Variants in CDH4 observed in about 807,000 individuals in gnomAD.
CDH4 encodes cadherin-4.
CDH4 carries 33 observed loss-of-function variants against 86.0 expected under a neutral mutation model. The ratio of observed to expected loss-of-function variants is 0.38; its 90% CI spans 0.29 to 0.51. The LOEUF (loss-of-function observed/expected upper bound fraction) is 0.51. CDH4 is among the 20% of genes least tolerant of loss of function. The pLI, the probability that CDH4 is intolerant of heterozygous loss-of-function variation, is 0.86. For missense variants in CDH4, 1,114 were observed against 1,307.4 expected (o/e 0.85, Z 2.28); for synonymous variants, 555 against 549.4 (o/e 1.01, Z -0.14).
At position 61,283,523 on chromosome 20, in the gene CDH4, ATGTAGGTGCATTTACACG is replaced by A. The variant is rs1415373551; in HGVS notation, c.169+28587_169+28604del. On this transcript the variant is annotated intron_variant, in intron 2 of 15. Transcript: ENST00000614565. ...TTGCACGCGTGTGCTGTGGTGTGTG[ATGTAGGTGCATTTACACG>A]CGTGTGCTGTGGTGTGTGATGTAGG... Among the ~76,000 whole-genome samples the A allele has an allele frequency of 7.8e-5, 7 of 89,782 alleles. 2 individuals carry two copies. Among genetic ancestry groups the A allele is most frequent in the Non-Finnish European group, 1.1e-4 (5 of 44,882 alleles). The allele number at this position is 89,782 out of a possible 152,430, so 58.9% of individuals were successfully genotyped here.
At chr20:61,531,995 C>A (rs540675698) in intron 2 of CDH4, among the ~76,000 whole-genome samples, 6 of 152,378 alleles carry the variant, frequency 3.9e-5, no homozygotes, top group South Asian at 4.1e-4. Flanking sequence ...GTGGAGGATC[C>A]TCAGCTGTGG....
At chr20:61,889,353 G>GTGGATGA (rs1377300319) in intron 7 of CDH4, among the ~76,000 whole-genome samples, 6 of 145,766 alleles carry the variant, frequency 4.1e-5, no homozygotes, top group South Asian at 2.2e-4. Flanking sequence ...TGAGTGGATG[G>GTGGATGA]TGGATGATGG....
chr20:61,904,525 C>T (rs2054767379), intron 8 of CDH4, among the ~76,000 whole-genome samples: 1 of 152,208 alleles, frequency 6.6e-6, no homozygotes, highest in African/African-American at 2.4e-5. Flanking sequence ...GGTCTCTCGG[C>T]ATCTCGGCAG....
At chr20:61,508,319 C>T (rs2085756207) in intron 2 of CDH4, among the ~76,000 whole-genome samples, 1 of 152,228 alleles carries the variant, frequency 6.6e-6, no homozygotes, top group Admixed American at 6.5e-5. Flanking sequence ...GGAGAGGTCC[C>T]CACCGGGTGA....
chr20:61,622,237 A>G (rs987562562), intron 2 of CDH4, among the ~76,000 whole-genome samples: 4 of 152,152 alleles, frequency 2.6e-5, no homozygotes, highest in Non-Finnish European at 5.9e-5. Flanking sequence ...CTCCCCACCC[A>G]TGTGTTTATG....
At chr20:61,794,396 C>T (rs937299764) in intron 4 of CDH4, among the ~76,000 whole-genome samples, 2 of 152,200 alleles carry the variant, frequency 1.3e-5, no homozygotes, top group African/African-American at 2.4e-5. Context: ...GTCGTTCCCC[C>T]ACTTCCGCCA....
intron 2 of CDH4, among the ~76,000 whole-genome samples, chr20:61,338,763 T>G (rs2084633384): frequency 6.6e-6 from 1 of 152,200 alleles, no homozygotes; most frequent in Admixed American, 6.5e-5. Context: ...AGTGTTTATT[T>G]TTAAAAATGT....
rs78579619 is a variant in CDH4, at chr20:61,713,377, C to A, written c.170-30186C>A. 5.9e-3 allele frequency among the ~76,000 whole-genome samples: 894 copies of A among 152,318 alleles called. 11 individuals carry two copies. Among genetic ancestry groups the A allele is most frequent in the African/African-American group, 0.02 (840 of 41,568 alleles). On this transcript the variant is annotated intron_variant, in intron 2 of 15. Transcript: ENST00000614565. Reference sequence around the variant, plus strand: ...TGGGGGTCCCGTGCAAGCAGCCCACCTTTCAAAGATGCACAGAAATGGGTC... The same window carrying A: ...TGGGGGTCCCGTGCAAGCAGCCCACATTTCAAAGATGCACAGAAATGGGTC...
intron 4 of CDH4, among the ~76,000 whole-genome samples, chr20:61,780,739 C>G (rs986016198): frequency 9.9e-5 from 15 of 152,200 alleles, no homozygotes; most frequent in African/African-American, 3.6e-4. Flanking sequence ...TAGACAGAAT[C>G]TGTTGGGGAC....
chr20:61,390,739 G>A (rs2084980561), intron 2 of CDH4, among the ~76,000 whole-genome samples: 1 of 151,508 alleles, frequency 6.6e-6, no homozygotes, highest in Non-Finnish European at 1.5e-5. Flanking sequence ...AGATCGTGCA[G>A]TCATAGGGTG....
At chr20:61,404,535 G>C (rs768100994) in intron 2 of CDH4, among the ~76,000 whole-genome samples, 1 of 152,086 alleles carries the variant, frequency 6.6e-6, no homozygotes, top group Non-Finnish European at 1.5e-5. Flanking sequence ...CGATCTGCAA[G>C]AGGAGGCCTG....
intron 2 of CDH4, among the ~76,000 whole-genome samples, chr20:61,482,937 G>A (rs1433210641): frequency 6.6e-6 from 1 of 152,208 alleles, no homozygotes; most frequent in African/African-American, 2.4e-5. Context: ...CCGAGGCACA[G>A]GACTTAGCCA....
intron 2 of CDH4, among the ~76,000 whole-genome samples, chr20:61,542,502 C>T (rs1225550304): frequency 6.6e-6 from 1 of 152,190 alleles, no homozygotes; most frequent in Non-Finnish European, 1.5e-5. Context: ...TTCACAGATG[C>T]AGTCTCAGTT....
intron 2 of CDH4, among the ~76,000 whole-genome samples, chr20:61,741,300 A>G (rs2088330226): frequency 6.6e-6 from 1 of 152,164 alleles, no homozygotes; most frequent in African/African-American, 2.4e-5. Flanking sequence ...CCACCCACGG[A>G]GCTGCCTTTG....
chr20:61,331,783 C>T (rs2123265188), intron 2 of CDH4, among the ~76,000 whole-genome samples: 1 of 132,880 alleles, frequency 7.5e-6, no homozygotes, highest in Admixed American at 8.3e-5. Context: ...AGCACTCAGC[C>T]TGCCTGCAGC....
In CDH4 at chr20:61,811,497, A is replaced by C. The variant is rs1225350680; in HGVS notation, c.577-33171A>C. 2.0e-5 allele frequency among the ~76,000 whole-genome samples: 3 copies of C among 152,210 alleles called. No individual in the cohort carries two copies. The East Asian group carries it at 5.8e-4, about 29-fold the overall frequency. On this transcript the variant is annotated intron_variant, in intron 4 of 15. Coordinates refer to ENST00000614565, the MANE Select transcript of CDH4 (RefSeq NM_001794.5). The surrounding 1 kb of genome is among the most constrained non-coding windows in gnomAD (Gnocchi z 4.4). ...GAGGAAAGGAAGCTCATTTCAGAGCAGTGGAATCAACCAGTTAGAAATGGG... is the reference window on the plus strand; with the variant it reads ...GAGGAAAGGAAGCTCATTTCAGAGCCGTGGAATCAACCAGTTAGAAATGGG...
At chr20:61,885,555 C>T (rs958051530) in intron 7 of CDH4, among the ~76,000 whole-genome samples, 1 of 152,178 alleles carries the variant, frequency 6.6e-6, no homozygotes, top group African/African-American at 2.4e-5. Flanking sequence ...CTTGGCTGTT[C>T]GGCCCTTTTG....
At chr20:61,352,447 TG>T (rs758566721) in intron 2 of CDH4, among the ~76,000 whole-genome samples, 79 of 152,340 alleles carry the variant, frequency 5.2e-4, no homozygotes, top group Admixed American at 1.9e-3. Flanking sequence ...TCTGAAAATG[TG>T]GCAAACGTCT....
In CDH4 at chr20:61,778,090, C is replaced by T. The variant is rs1891581; in HGVS notation, c.576+4908C>T. The stretch of plus-strand genomic sequence containing the variant: ...TGTTTGCCACCTCCCTCCCTCCACC[C>T]TCCCCTCTATCTTCCATTGAATTCT... On this transcript the variant is annotated intron_variant, in intron 4 of 15. Transcript: ENST00000614565. Among the ~76,000 whole-genome samples the T allele has an allele frequency of 9.7e-3, 1,471 of 152,362 alleles. 27 individuals carry two copies. Among genetic ancestry groups the T allele is most frequent in the African/African-American group, 0.033 (1,380 of 41,574 alleles).
Sources: gnomAD v4.1 joint callset for allele counts (sites outside exome capture counted in the v4.1 genomes callset) on GRCh38, gnomAD v4.1.1 for gene constraint, Gnocchi (gnomAD v3.1) non-coding constraint, MANE v1.5 for transcripts, NCBI Gene and HGNC (gene_info 2026-07-23, HGNC 2026-07-21) for gene names.